MYO5C: variants seen among roughly 807,000 people sequenced by gnomAD.
The protein encoded by MYO5C is unconventional myosin-Vc.
In MYO5C, 194 loss-of-function variants were observed where a neutral mutation model predicts 235.7. The observed-to-expected ratio is 0.82, with a 90% CI of 0.73 to 0.93. The LOEUF is 0.93. Ranked by LOEUF, MYO5C falls within the 40% of genes least tolerant of loss-of-function variation. MYO5C has a pLI of 0.00. For missense variants in MYO5C, 2,038 were observed against 2,127.2 expected (o/e 0.96, Z 0.82); for synonymous variants, 707 against 754.8 (o/e 0.94, Z 1.04).
chr15:52,228,162 G>C (rs1326435872), intron 25 of MYO5C, among the ~76,000 whole-genome samples: 1 of 127,128 alleles, frequency 7.9e-6, no homozygotes, highest in Admixed American at 7.8e-5. Context: ...TTTTTTTTTT[G>C]AGACGGAGTC....
At chr15:52,267,372 G>A (rs921490591) in intron 8 of MYO5C, among the ~76,000 whole-genome samples, 7 of 152,166 alleles carry the variant, frequency 4.6e-5, no homozygotes, top group East Asian at 1.9e-4. Flanking sequence ...GATAAGGTGC[G>A]TTGCCACTCA....
intron 32 of MYO5C, among the ~76,000 whole-genome samples, chr15:52,216,368 C>CTA (rs1228684761): frequency 6.6e-6 from 1 of 151,930 alleles, no homozygotes; most frequent in East Asian, 1.9e-4. Flanking sequence ...GCATGCACCA[C>CTA]TATATATATA....
intron 39 of MYO5C, 56 bp downstream of exon 39, chr15:52,196,253 C>G (rs1339924550): frequency 2.7e-6 from 4 of 1,505,196 alleles, no homozygotes; most frequent in South Asian, 2.7e-5. Context: ...AAGGCAATGC[C>G]CACTGCACTG....
At chr15:52,194,115 C>T in intron 40 of MYO5C, 61 bp from the exon 41 acceptor site, 1 of 1,540,120 alleles carries the variant, frequency 6.5e-7, no homozygotes, top group Non-Finnish European at 8.8e-7. Context: ...TTTACTGCTA[C>T]CTGAAAGTCA....
chr15:52,218,663 T>G lies in MYO5C; in HGVS notation c.3810A>C (p.Ile1270=). ...TCAGCTTCTCCTTCTCTTTGGTATG[T>G]ATTTCATTTTGGGCTTCCAAGGCCC... ...QRKALEAQNE[I]HTKEKEKLID... Residue 1270 remains isoleucine (I), a synonymous_variant, in exon 32 of 41, where the codon ATA becomes ATC. Coordinates refer to ENST00000261839, the MANE Select transcript of MYO5C (RefSeq NM_018728.4). 2.5e-6 allele frequency: 4 copies of G among 1,614,212 alleles called. No individual in the cohort carries two copies. The highest frequency in any genetic ancestry group is 3.4e-6 in the Non-Finnish European group (4 of 1,180,036).
At position 52,196,437 on chromosome 15, in the gene MYO5C, G is replaced by A. The variant is rs1172143134; in HGVS notation, c.4867C>T (p.Gln1623Ter). 1 of 1,614,106 alleles carries A rather than the reference G, an allele frequency of 6.2e-7. No homozygotes were observed. The highest frequency in any genetic ancestry group is 1.1e-5 in the South Asian group (1 of 91,084). Residue 1623 changes from glutamine (Q) to a stop codon, truncating the protein, a stop_gained, in exon 39 of 41, where the codon CAG becomes TAG. Transcript: ENST00000261839. LOFTEE classifies it high-confidence loss of function. ...LEEWLKDKNL[Q>*]NSLAKETLEP... ...AAAGTTTCCTTTGCTAAGCTGTTCT[G>A]CAAGTTCTTATCTTTAAGCCATTCT...
At chr15:52,285,882 G>C (rs955026533) in intron 1 of MYO5C, among the ~76,000 whole-genome samples, 8 of 152,182 alleles carry the variant, frequency 5.3e-5, no homozygotes, top group Non-Finnish European at 1.5e-5. Context: ...GCCTCTGCCC[G>C]GCCGCCACCC....
At chr15:52,225,944 G>A (rs2035812447) in intron 25 of MYO5C, among the ~76,000 whole-genome samples, 2 of 152,208 alleles carry the variant, frequency 1.3e-5, no homozygotes, top group East Asian at 3.9e-4. Context: ...TAGCTACTTG[G>A]GAGGCTGAGG....
In MYO5C at chr15:52,244,612, T is replaced by C. The variant is rs746273988; in HGVS notation, c.2179-45A>G. 8 of 1,391,232 alleles carry C rather than the reference T, an allele frequency of 5.8e-6. No homozygotes were observed. The East Asian group carries it at 1.6e-4, about 28-fold the overall frequency. 86.2% of individuals were successfully genotyped at this position (1,391,232 alleles called of 1,614,324 possible). A position where few individuals can be genotyped will look rare whatever the true frequency, so the allele number is the denominator to read the frequency against. On this transcript the variant is annotated intron_variant, in intron 18 of 40. Transcript: ENST00000261839. ...TAGTTAGAATTAAAATCTGTCAGAT[T>C]TTCTATAATACAGTATTTGGAAAAG...
intron 2 of MYO5C, among the ~76,000 whole-genome samples, chr15:52,280,897 G>A (rs1469650369): frequency 6.6e-6 from 1 of 152,148 alleles, no homozygotes; most frequent in Non-Finnish European, 1.5e-5. Context: ...CCATGGCGGG[G>A]GTTTTGCTGG....
At chr15:52,265,524 T>G (rs1459830102) in intron 8 of MYO5C, among the ~76,000 whole-genome samples, 1 of 150,118 alleles carries the variant, frequency 6.7e-6, no homozygotes, top group African/African-American at 2.5e-5. Flanking sequence ...TTTAACAATT[T>G]CAAAACCTAC....
chr15:52,277,122 T>C (rs1164975602), intron 4 of MYO5C: 1 of 512,650 alleles, frequency 2.0e-6, no homozygotes, highest in Admixed American at 2.1e-5. Context: ...TGAAATGACA[T>C]GCTCAGTGTC....
intron 10 of MYO5C, among the ~76,000 whole-genome samples, chr15:52,257,452 G>A (rs59060156): frequency 0.019 from 2,933 of 152,314 alleles, 104 homozygotes; most frequent in South Asian, 0.15. Context: ...TGCGGCCCAG[G>A]ATGTTAGATT....
chr15:52,205,404 A>G (rs537437371), intron 37 of MYO5C: 3 of 501,048 alleles, frequency 6.0e-6, no homozygotes, highest in African/African-American at 5.7e-5. Context: ...TTCACAGGAA[A>G]GAAAGCTGCT....
At chr15:52,281,245 G>A (rs2037156563) in intron 2 of MYO5C, among the ~76,000 whole-genome samples, 1 of 152,140 alleles carries the variant, frequency 6.6e-6, no homozygotes, top group Non-Finnish European at 1.5e-5. Context: ...ATGTTGACAG[G>A]TGGAGGCAGA....
At chr15:52,252,437 A>G (rs1322995657) in intron 12 of MYO5C, among the ~76,000 whole-genome samples, 1 of 151,880 alleles carries the variant, frequency 6.6e-6, no homozygotes, top group African/African-American at 2.4e-5. Context: ...ATCTTGATAC[A>G]TGTGATTTTT....
chr15:52,228,230 G>T (rs1358286190), intron 25 of MYO5C, among the ~76,000 whole-genome samples: 1 of 151,482 alleles, frequency 6.6e-6, no homozygotes, highest in Non-Finnish European at 1.5e-5. Context: ...TGCAACCTCC[G>T]CCTCCCAGGT....
chr15:52,262,828 A>G (rs11070890), intron 9 of MYO5C, among the ~76,000 whole-genome samples: 145,101 of 152,310 alleles, frequency 0.95, 69,331 homozygotes, highest in Non-Finnish European at 0.99. Flanking sequence ...AACAGACATT[A>G]TTACAGACTG....
chr15:52,248,629 T>C (rs2036405327), intron 14 of MYO5C, 71 bp downstream of exon 14: 2 of 1,084,448 alleles, frequency 1.8e-6, no homozygotes, highest in Non-Finnish European at 2.8e-6. Flanking sequence ...CTCTCCTTAC[T>C]CTTTCCTTAT....
Sources: allele counts gnomAD v4.1 joint callset (sites outside exome capture counted in the v4.1 genomes callset), GRCh38; gene constraint gnomAD v4.1.1; transcripts MANE v1.5; gene names NCBI Gene and HGNC (gene_info 2026-07-23, HGNC 2026-07-21).